REV3L: variants seen among roughly 807,000 people sequenced by gnomAD.
The protein encoded by REV3L is REV3 like, DNA directed polymerase zeta catalytic subunit.
In REV3L, 69 loss-of-function variants were observed where a neutral mutation model predicts 299.4. That is an observed-to-expected ratio of 0.23 (90% CI 0.19 to 0.28). The LOEUF (loss-of-function observed/expected upper bound fraction) is 0.28, where lower values mean the gene tolerates loss of function less well. Ranked by LOEUF, REV3L falls within the 10% of genes least tolerant of loss-of-function variation. The pLI, the probability that REV3L is intolerant of heterozygous loss-of-function variation, is 1.00. For synonymous variants in REV3L, 1,238 were observed against 1,271.4 expected (o/e 0.97, Z 0.56); for missense variants, 3,128 against 3,693.8 (o/e 0.85, Z 3.97).
intron 4 of REV3L, among the ~76,000 whole-genome samples, chr6:111,402,951 T>C (rs1474263487): frequency 6.6e-6 from 1 of 152,126 alleles, no homozygotes; most frequent in African/African-American, 2.4e-5. Flanking sequence ...TACACAAAAA[T>C]TCATAAATGG....
chr6:111,315,834 T>C (rs1025577536), intron 26 of REV3L, among the ~76,000 whole-genome samples: 4 of 152,214 alleles, frequency 2.6e-5, no homozygotes, highest in African/African-American at 9.6e-5. Flanking sequence ...TGTGTGCACC[T>C]TATGAGAATC....
At chr6:111,397,244 T>G (rs116148045) in intron 4 of REV3L, among the ~76,000 whole-genome samples, 5,468 of 152,160 alleles carry the variant, frequency 0.036, 326 homozygotes, top group African/African-American at 0.12. Context: ...TAGGCACCTA[T>G]TGCTATAAAC....
At chr6:111,326,129 A>C (rs910719995) in intron 25 of REV3L, among the ~76,000 whole-genome samples, 5 of 152,208 alleles carry the variant, frequency 3.3e-5, no homozygotes, top group African/African-American at 9.6e-5. Context: ...ATTACTGGAC[A>C]AATGGGATCA....
At chr6:111,394,455 T>G (rs991527915) in intron 4 of REV3L, among the ~76,000 whole-genome samples, 14 of 152,194 alleles carry the variant, frequency 9.2e-5, no homozygotes, top group African/African-American at 3.4e-4. Context: ...GAGGTGTCTA[T>G]TCAGATACGA....
chr6:111,375,066 C>G lies in REV3L; in HGVS notation c.3289G>C (p.Glu1097Gln), dbSNP rs1182026565. 3.2e-5 allele frequency: 51 copies of G among 1,613,942 alleles called. No individual in the cohort carries two copies. The highest frequency in any genetic ancestry group is 4.2e-5 in the Non-Finnish European group (50 of 1,179,918). Residue 1097 changes from glutamate (E) to glutamine (Q), a missense_variant, in exon 13 of 32, where the codon GAA becomes CAA. Coordinates refer to ENST00000368802, the MANE Select transcript of REV3L (RefSeq NM_001372078.1). The part of the protein sequence containing the change: ...PPSPSYNAET[E>Q]DCDLNYSDVM... ...TCACTATAATTCAGGTCACAATCTT[C>G]GGTTTCAGCATTGTAAGATGGTGAG...
In REV3L at chr6:111,415,996, T is replaced by C. The variant is rs562761619; in HGVS notation, c.329+287A>G. Among the ~76,000 whole-genome samples the C allele has an allele frequency of 2.0e-5, 3 of 152,330 alleles. No homozygotes were observed. In the East Asian group the frequency reaches 5.8e-4, roughly 29 times the overall value. ...AACGCCTAGAACAGTGCTTAGCACA[T>C]AAAAAGTATTTAAGAAATATTTGCT... On this transcript the variant is annotated intron_variant, in intron 2 of 31. Transcript: ENST00000368802.
chr6:111,301,454 A>C (rs1239871322), intron 31 of REV3L, among the ~76,000 whole-genome samples: 8 of 152,088 alleles, frequency 5.3e-5, no homozygotes, highest in Non-Finnish European at 1.2e-4. Flanking sequence ...AGGGGCATCA[A>C]GGAACCTGCC....
At position 111,376,363 on chromosome 6, in the gene REV3L, T is replaced by C. The variant is rs1383263844; in HGVS notation, c.1992A>G (p.Glu664=). 1.2e-6 allele frequency: 2 copies of C among 1,612,558 alleles called. No individual in the cohort carries two copies. The highest frequency in any genetic ancestry group is 2.2e-5 in the South Asian group (2 of 90,548). The change falls in exon 13 of 32, where the codon GAA becomes GAG. Residue 664 remains glutamate, a synonymous_variant. Coordinates refer to ENST00000368802, the MANE Select transcript of REV3L (RefSeq NM_001372078.1). Reference sequence around the variant, plus strand: ...CTTGTCTTGTAACAGATGGAATATCTTCTTCATAATCAAAAATACTACTTT... The same window carrying C: ...CTTGTCTTGTAACAGATGGAATATCCTCTTCATAATCAAAAATACTACTTT... The part of the protein sequence containing the change: ...SCESSIFDYE[E]DIPSVTRQVP...
chr6:111,389,499 G>C lies in REV3L; in HGVS notation c.758-289C>G, dbSNP rs564636337. Among the ~76,000 whole-genome samples the C allele has an allele frequency of 2.6e-5, 4 of 152,106 alleles. No individual in the cohort carries two copies. In the South Asian group the frequency reaches 8.3e-4, roughly 32 times the overall value. ...AATATGAAAATTAAGAAATTAAAAG[G>C]CACAGTACATTAAATTGCTTTATAT... On this transcript the variant is annotated intron_variant, in intron 6 of 31. Transcript: ENST00000368802.
Position 111,375,570 on chromosome 6 carries a change from T to C in REV3L, c.2785A>G (p.Thr929Ala). The C allele has an allele frequency of 1.2e-6, 2 of 1,613,790 alleles. No individual in the cohort carries two copies. The highest frequency in any genetic ancestry group is 1.7e-6 in the Non-Finnish European group (2 of 1,179,888). ...ACAAAACTTGACTCACTGTCTTCAG[T>C]CTCATAATTTACCTTGCGTTTGGCT... Reference protein sequence around the residue: ...LRAKRKVNYETEDSESSFVTH... With the variant: ...LRAKRKVNYEAEDSESSFVTH... Residue 929 changes from threonine (T) to alanine (A), a missense_variant, in exon 13 of 32, where the codon ACT becomes GCT. By Grantham distance (58) the Thr-to-Ala change is moderately conservative. This residue lies in a region of REV3L where 2,409 missense variants were observed against 2,611.8 expected (regional missense o/e 0.92). Transcript: ENST00000368802.
chr6:111,313,544 GTTTTAT>G (rs2114735752), intron 27 of REV3L, 55 bp from the exon 28 acceptor site: 19 of 1,512,858 alleles, frequency 1.3e-5, no homozygotes, highest in Admixed American at 6.5e-5. Context: ...CACCAAGAAT[GTTTTAT>G]TTTTATGTCT....
chr6:111,443,743 A>G (rs540446935), intron 1 of REV3L, among the ~76,000 whole-genome samples: 3 of 152,330 alleles, frequency 2.0e-5, no homozygotes, highest in African/African-American at 7.2e-5. Flanking sequence ...GGTTTTCAGT[A>G]GCTATCCTTT....
In REV3L at chr6:111,377,131, A is replaced by C. The variant is rs55895744; in HGVS notation, c.1598-374T>G. 1.1e-4 allele frequency among the ~76,000 whole-genome samples: 16 copies of C among 152,350 alleles called. 1 individual carries two copies. The South Asian group carries it at 3.1e-3, about 30-fold the overall frequency. On this transcript the variant is annotated intron_variant, in intron 12 of 31. Coordinates refer to ENST00000368802, the MANE Select transcript of REV3L (RefSeq NM_001372078.1). ...ATTCTACTTGCACAACAAACATTAA[A>C]GTTTTCAAAGCTTGAATTCAGTGGT... is the stretch of plus-strand genomic sequence containing the variant.
At chr6:111,427,367 A>C (rs1786300620) in intron 1 of REV3L, among the ~76,000 whole-genome samples, 1 of 152,196 alleles carries the variant, frequency 6.6e-6, no homozygotes, top group Non-Finnish European at 1.5e-5. Context: ...TAGAACAAAC[A>C]ACTCTTTCAA....
At chr6:111,412,035 CT>C in intron 2 of REV3L, 3 of 985,306 alleles carry the variant, frequency 3.0e-6, no homozygotes, top group Non-Finnish European at 3.6e-6. Context: ...AAGTCCTTTA[CT>C]TAACAACACT....
intron 1 of REV3L, among the ~76,000 whole-genome samples, chr6:111,429,409 G>T (rs1562298159): frequency 6.6e-6 from 1 of 151,926 alleles, no homozygotes; most frequent in African/African-American, 2.4e-5. Context: ...TCTTCCACCA[G>T]ACAGAAAAAA....
intron 1 of REV3L, chr6:111,472,133 GT>G: frequency 7.9e-7 from 1 of 1,265,474 alleles, no homozygotes; most frequent in South Asian, 1.3e-5. Context: ...CTTGTCTTGG[GT>G]TTTATTCTGA....
intron 27 of REV3L, among the ~76,000 whole-genome samples, chr6:111,314,013 C>T (rs1248698831): frequency 6.6e-6 from 1 of 152,190 alleles, no homozygotes; most frequent in Non-Finnish European, 1.5e-5. Context: ...TTTAAGCGGG[C>T]TATTCTCATC....
Position 111,329,753 on chromosome 6 carries a change from A to G in REV3L, c.8035-15T>C. 1 of 1,586,510 alleles carries G rather than the reference A, an allele frequency of 6.3e-7. No individual in the cohort carries two copies. Among genetic ancestry groups the G allele is most frequent in the Non-Finnish European group, 8.6e-7 (1 of 1,160,916 alleles). ...CTTACTGAAGGCTATCATAAAGAAA[A>G]AAAATGTTTAAAACCCCTCAAACAT... On this transcript the variant is annotated splice_polypyrimidine_tract_variant and intron_variant, in intron 24 of 31. Coordinates refer to ENST00000368802, the MANE Select transcript of REV3L (RefSeq NM_001372078.1).
Sources: allele counts gnomAD v4.1 joint callset (sites outside exome capture counted in the v4.1 genomes callset), GRCh38; gene constraint gnomAD v4.1.1; regional missense constraint gnomAD v4.1.1; transcripts MANE v1.5; gene names NCBI Gene and HGNC (gene_info 2026-07-23, HGNC 2026-07-21).